SLC8A1: variants seen among roughly 807,000 people sequenced by gnomAD.
SLC8A1 encodes solute carrier family 8 member A1, also known as sodium/calcium exchanger 1.
SLC8A1 carries 18 observed loss-of-function variants against 68.3 expected under a neutral mutation model. The ratio of observed to expected loss-of-function variants is 0.26; its 90% CI spans 0.18 to 0.39. The LOEUF is 0.39. SLC8A1 is among the 10% of genes least tolerant of loss of function. The probability of loss-of-function intolerance (pLI) is 1.00; values close to 1 mark genes in which losing one functional copy is unlikely to be tolerated. For missense variants in SLC8A1, 985 were observed against 1,156.7 expected (o/e 0.85, Z 2.15); for synonymous variants, 475 against 415.5 (o/e 1.14, Z -1.74).
chr2:40,396,256 C>T (rs1686858902), intron 2 of SLC8A1, among the ~76,000 whole-genome samples: 3 of 152,198 alleles, frequency 2.0e-5, no homozygotes, highest in African/African-American at 4.8e-5. Context: ...CCCTTTAAAT[C>T]CTCAATCCAT....
intron 1 of SLC8A1, among the ~76,000 whole-genome samples, chr2:40,438,487 C>T (rs1290969783): frequency 1.3e-5 from 2 of 152,128 alleles, no homozygotes; most frequent in South Asian, 2.1e-4. Flanking sequence ...AGCACCATAA[C>T]AGACACTACA....
At position 40,352,496 on chromosome 2, in the gene SLC8A1, G is replaced by A. The variant is rs146868742; in HGVS notation, c.1808+75977C>T. Among the ~76,000 whole-genome samples, 16 of 152,252 alleles carry A rather than the reference G, an allele frequency of 1.1e-4. No homozygotes were observed. In the East Asian group the frequency reaches 2.7e-3, roughly 26 times the overall value. The stretch of plus-strand genomic sequence containing the variant: ...AATCCTCAGGAATTCAAAGAAGCCT[G>A]TGAGTCATCAAAACTCATTTCCAAA... On this transcript the variant is annotated intron_variant, in intron 2 of 7. Coordinates refer to ENST00000406785, the Ensembl canonical transcript of SLC8A1.
exon 8 of SLC8A1, chr2:40,102,999 G>T (rs1417918585): frequency 6.6e-6 from 1 of 151,984 alleles, no homozygotes; most frequent in African/African-American, 2.4e-5. Context: ...TCTCAATATT[G>T]AGTCTCACAA....
intron 2 of SLC8A1, among the ~76,000 whole-genome samples, chr2:40,311,117 A>G (rs2073588522): frequency 6.6e-6 from 1 of 152,126 alleles, no homozygotes; most frequent in Non-Finnish European, 1.5e-5. Flanking sequence ...GTATCAATCT[A>G]TAGGTTTAAG....
intron 2 of SLC8A1, among the ~76,000 whole-genome samples, chr2:40,222,994 T>G (rs186302762): frequency 3.3e-5 from 5 of 152,290 alleles, no homozygotes; most frequent in Admixed American, 3.3e-4. Flanking sequence ...GAAATGTCAT[T>G]TGACCTAGCA....
In SLC8A1 at chr2:40,100,669, G is replaced by T. The variant is rs1353839970; in HGVS notation, c.*14584C>A. The T allele has an allele frequency of 2.6e-5, 4 of 152,262 alleles. No homozygotes were observed. In the East Asian group the frequency reaches 7.7e-4, roughly 29 times the overall value. The allele number at this position is 152,262 out of a possible 1,614,324, so 9.4% of individuals were successfully genotyped here. ...ACTGTGATTTCGTTAGAGCTATTTG[G>T]TAATCAGGTGTGAGTGAGAGGAATG... On this transcript the variant is annotated 3_prime_UTR_variant, in exon 8 of 8. Coordinates refer to ENST00000406785, the Ensembl canonical transcript of SLC8A1.
chr2:40,394,534 T>A (rs1299438976), intron 2 of SLC8A1, among the ~76,000 whole-genome samples: 1 of 152,086 alleles, frequency 6.6e-6, no homozygotes, highest in Non-Finnish European at 1.5e-5. Flanking sequence ...TATCATCAAG[T>A]TTCTGTTAGA....
intron 6 of SLC8A1, among the ~76,000 whole-genome samples, chr2:40,145,858 T>C (rs1397836793): frequency 3.3e-5 from 5 of 152,256 alleles, no homozygotes; most frequent in Non-Finnish European, 5.9e-5. Flanking sequence ...TTTTCCCTTT[T>C]ACATGCTTTT....
intron 3 of SLC8A1, 59 bp downstream of exon 4, chr2:40,175,202 A>T: frequency 1.3e-6 from 2 of 1,540,862 alleles, no homozygotes; most frequent in South Asian, 2.3e-5. Context: ...GTATCACCTG[A>T]CGGAAATGGA....
At chr2:40,123,843 TTTG>T (rs1387558202) in intron 7 of SLC8A1, among the ~76,000 whole-genome samples, 3 of 152,222 alleles carry the variant, frequency 2.0e-5, no homozygotes, top group African/African-American at 4.8e-5. Flanking sequence ...AGCCAGATGG[TTTG>T]TTATTATATA....
intron 7 of SLC8A1, among the ~76,000 whole-genome samples, chr2:40,124,033 C>T (rs1211634843): frequency 1.3e-5 from 2 of 152,194 alleles, no homozygotes; most frequent in Non-Finnish European, 2.9e-5. Context: ...GAACATCCAT[C>T]TCCTATCCAA....
intron 2 of SLC8A1, among the ~76,000 whole-genome samples, chr2:40,235,111 C>T (rs927177297): frequency 1.7e-4 from 26 of 152,082 alleles, no homozygotes; most frequent in Non-Finnish European, 2.8e-4. Context: ...ATGCTGGCTT[C>T]ATAAAATGAG....
At chr2:40,322,774 A>G (rs1295153744) in intron 2 of SLC8A1, among the ~76,000 whole-genome samples, 2 of 151,830 alleles carry the variant, frequency 1.3e-5, no homozygotes, top group African/African-American at 4.8e-5. Flanking sequence ...AAATAAGATG[A>G]TTATAATAAA....
intron 1 of SLC8A1, among the ~76,000 whole-genome samples, chr2:40,435,799 T>C (rs1437042054): frequency 6.6e-6 from 1 of 152,094 alleles, no homozygotes; most frequent in Non-Finnish European, 1.5e-5. Flanking sequence ...TTTTGAGACA[T>C]AGTCTTGCTC....
intron 5 of SLC8A1, among the ~76,000 whole-genome samples, chr2:40,161,805 C>T (rs1252286694): frequency 6.6e-6 from 1 of 152,206 alleles, no homozygotes; most frequent in African/African-American, 2.4e-5. Context: ...TCCACACTTA[C>T]TGTCAGAGCA....
intron 1 of SLC8A1, chr2:40,512,293 G>A (rs1706791143): frequency 6.6e-6 from 1 of 152,224 alleles, no homozygotes; most frequent in Admixed American, 6.6e-5. Context: ...GGCTCTGGAG[G>A]AAATATTTGC....
chr2:40,103,585 G>C (rs2034026167), exon 8 of SLC8A1: 1 of 151,908 alleles, frequency 6.6e-6, no homozygotes, highest in Non-Finnish European at 1.5e-5. Flanking sequence ...AAAAGATTAA[G>C]CACACTGACT....
At chr2:40,238,343 A>G (rs1263702557) in intron 2 of SLC8A1, among the ~76,000 whole-genome samples, 1 of 152,200 alleles carries the variant, frequency 6.6e-6, no homozygotes, top group Non-Finnish European at 1.5e-5. Flanking sequence ...AAAGCGCAGT[A>G]TTCGGGTGGG....
At chr2:40,249,100 A>G (rs1456643056) in intron 2 of SLC8A1, among the ~76,000 whole-genome samples, 4 of 152,198 alleles carry the variant, frequency 2.6e-5, no homozygotes, top group Admixed American at 1.3e-4. Flanking sequence ...AACAAACACA[A>G]TGACGTTTGA....
Sources: gnomAD v4.1 joint callset for allele counts (sites outside exome capture counted in the v4.1 genomes callset) on GRCh38, gnomAD v4.1.1 for gene constraint, MANE v1.5 for transcripts, NCBI Gene and HGNC (gene_info 2026-07-23, HGNC 2026-07-21) for gene names.